Variants in INVS observed in about 807,000 individuals in gnomAD.
INVS encodes inversion of embryo turning homolog.
A neutral mutation model predicts 108.8 loss-of-function variants in INVS; 86 were observed. The observed-to-expected ratio is 0.79, with a 90% CI of 0.66 to 0.95. INVS has a LOEUF of 0.95. INVS is among the 40% of genes least tolerant of loss of function. INVS has a pLI of 0.00. For missense variants in INVS, 1,169 were observed against 1,297.4 expected (o/e 0.90, Z 1.52); for synonymous variants, 455 against 473.5 (o/e 0.96, Z 0.51).
intron 3 of INVS, among the ~76,000 whole-genome samples, chr9:100,129,312 T>C (rs1488220948): frequency 6.6e-6 from 1 of 151,804 alleles, no homozygotes; most frequent in Non-Finnish European, 1.5e-5. Context: ...CGAAACCCTG[T>C]CTCTACTAAA....
At chr9:100,235,680 G>A (rs1831666933) in intron 5 of INVS, among the ~76,000 whole-genome samples, 1 of 152,206 alleles carries the variant, frequency 6.6e-6, no homozygotes, top group African/African-American at 2.4e-5. Flanking sequence ...CTTTAAGAAT[G>A]TTGAATATTG....
rs116673834 is a variant in INVS at position 100,292,113 on chromosome 9, T to C, written c.2069-213T>C. On this transcript the variant is annotated intron_variant, in intron 13 of 16. Transcript: ENST00000262457. ...AGGCATGACAGTGCTTTCCAAAGGA[T>C]ATCCACTATATTTTCGTTAAGGCGA... Among the ~76,000 whole-genome samples, 131 of 152,326 alleles carry C rather than the reference T, an allele frequency of 8.6e-4. 1 individual carries two copies. The highest frequency in any genetic ancestry group is 2.9e-3 in the African/African-American group (122 of 41,580).
intron 13 of INVS, among the ~76,000 whole-genome samples, chr9:100,288,769 C>T (rs544841953): frequency 5.3e-5 from 8 of 152,096 alleles, no homozygotes; most frequent in East Asian, 1.9e-4. Flanking sequence ...CATAGGTGTG[C>T]GCTACCATGC....
At chr9:100,148,028 A>G (rs1828679187) in intron 3 of INVS, among the ~76,000 whole-genome samples, 1 of 150,778 alleles carries the variant, frequency 6.6e-6, no homozygotes, top group African/African-American at 2.4e-5. Context: ...TACAAAAAAA[A>G]AAAAAAAAAA....
intron 3 of INVS, among the ~76,000 whole-genome samples, chr9:100,168,066 A>G (rs539867768): frequency 1.1e-4 from 16 of 152,144 alleles, no homozygotes; most frequent in African/African-American, 3.6e-4. Context: ...CTTCTGGTTA[A>G]ATAGCCACAG....
intron 3 of INVS, among the ~76,000 whole-genome samples, chr9:100,166,293 G>C (rs763953673): frequency 6.1e-4 from 93 of 152,166 alleles, no homozygotes; most frequent in Non-Finnish European, 1.0e-3. Flanking sequence ...ATGAGGGGTT[G>C]AGCCCAGGAG....
chr9:100,271,148 C>T (rs986973942), intron 11 of INVS, among the ~76,000 whole-genome samples: 1 of 152,164 alleles, frequency 6.6e-6, no homozygotes. Context: ...TTTCCTCCCC[C>T]AGAGGCATCA....
At chr9:100,217,519 G>A (rs1831026973) in intron 3 of INVS, among the ~76,000 whole-genome samples, 1 of 152,166 alleles carries the variant, frequency 6.6e-6, no homozygotes, top group African/African-American at 2.4e-5. Flanking sequence ...TTATCTGTTT[G>A]CATGAGTTTC....
intron 13 of INVS, among the ~76,000 whole-genome samples, chr9:100,285,117 T>C (rs904060504): frequency 3.3e-5 from 5 of 152,238 alleles, no homozygotes; most frequent in African/African-American, 1.2e-4. Context: ...GTATGTCTGC[T>C]AGCAACAAAT....
chr9:100,206,132 A>T (rs1830669640), intron 3 of INVS, among the ~76,000 whole-genome samples: 1 of 152,152 alleles, frequency 6.6e-6, no homozygotes, highest in African/African-American at 2.4e-5. Flanking sequence ...CAACAAGAAT[A>T]CTGTGAATAT....
chr9:100,288,426 G>A (rs1003257697), intron 13 of INVS, among the ~76,000 whole-genome samples: 6 of 151,958 alleles, frequency 3.9e-5, no homozygotes, highest in African/African-American at 7.3e-5. Context: ...GGTTTCCTGC[G>A]AATCTGATTG....
rs138201723 is a variant in INVS at position 100,108,556 on chromosome 9, T to C, written c.106+3929T>C. On this transcript the variant is annotated intron_variant, in intron 2 of 16. Transcript: ENST00000262457. ...AATGTATTTTAAACATCTTTTTATG[T>C]ATCACATATTTGATGATCTCTAAAT... is the stretch of plus-strand genomic sequence containing the variant. Among the ~76,000 whole-genome samples the C allele has an allele frequency of 5.2e-3, 796 of 152,362 alleles. 7 individuals are homozygous for C. Among genetic ancestry groups the C allele is most frequent in the African/African-American group, 0.017 (725 of 41,588 alleles).
chr9:100,259,739 G>T (rs763048499), intron 10 of INVS, among the ~76,000 whole-genome samples: 1 of 151,816 alleles, frequency 6.6e-6, no homozygotes, highest in African/African-American at 2.4e-5. Context: ...TAGTAGAGAC[G>T]GGGTTTCGTC....
intron 11 of INVS, among the ~76,000 whole-genome samples, chr9:100,267,586 G>A (rs778793186): frequency 1.3e-5 from 2 of 152,284 alleles, no homozygotes; most frequent in South Asian, 2.1e-4. Context: ...GATGAACAAC[G>A]TATAGACATA....
At chr9:100,236,284 C>T (rs919071281) in intron 5 of INVS, among the ~76,000 whole-genome samples, 1 of 152,170 alleles carries the variant, frequency 6.6e-6, no homozygotes, top group Non-Finnish European at 1.5e-5. Context: ...TTCTTAGCTT[C>T]CTTGCATTGG....
chr9:100,161,684 A>G (rs1829195059), intron 3 of INVS, among the ~76,000 whole-genome samples: 2 of 152,172 alleles, frequency 1.3e-5, no homozygotes, highest in East Asian at 1.9e-4. Flanking sequence ...ACCTTGGGGC[A>G]GAAGGTTAGG....
At chr9:100,195,632 T>C (rs1431636645) in intron 3 of INVS, among the ~76,000 whole-genome samples, 1 of 152,072 alleles carries the variant, frequency 6.6e-6, no homozygotes, top group African/African-American at 2.4e-5. Context: ...GGACTACAGC[T>C]CCGCACCACC....
chr9:100,202,153 G>A (rs796232858), intron 3 of INVS, among the ~76,000 whole-genome samples: 2 of 150,156 alleles, frequency 1.3e-5, no homozygotes, highest in African/African-American at 4.9e-5. Flanking sequence ...ACTTAATACT[G>A]TAGTCACAAT....
At chr9:100,112,863 T>C (rs1827385913) in intron 2 of INVS, among the ~76,000 whole-genome samples, 1 of 152,178 alleles carries the variant, frequency 6.6e-6, no homozygotes, top group Non-Finnish European at 1.5e-5. Context: ...CCATAGTTCC[T>C]AATCCTCTCC....
Sources: allele counts gnomAD v4.1 joint callset (sites outside exome capture counted in the v4.1 genomes callset), GRCh38; gene constraint gnomAD v4.1.1; transcripts MANE v1.5; gene names NCBI Gene and HGNC (gene_info 2026-07-23, HGNC 2026-07-21).